Variants in PCDHGB2 observed in about 807,000 individuals in gnomAD.
The protein encoded by PCDHGB2 is protocadherin gamma-B2.
In PCDHGB2, 55 loss-of-function variants were observed where a neutral mutation model predicts 59.3. That is an observed-to-expected ratio of 0.93 (90% CI 0.75 to 1.16). PCDHGB2 has a LOEUF of 1.16. PCDHGB2 is among the 50% of genes most tolerant of loss of function. The pLI, the probability that PCDHGB2 is intolerant of heterozygous loss-of-function variation, is 0.00. For synonymous variants in PCDHGB2, 516 were observed against 512.0 expected (o/e 1.01, Z -0.11); for missense variants, 1,228 against 1,198.5 (o/e 1.02, Z -0.36).
chr5:141,462,883 A>T (rs557432183), intron 1 of PCDHGB2, among the ~76,000 whole-genome samples: 9 of 152,230 alleles, frequency 5.9e-5, no homozygotes, highest in African/African-American at 2.2e-4. Context: ...GAACTATTGC[A>T]GTTTGTTTTG....
Position 141,493,701 on chromosome 5 carries a change from C to G in PCDHGB2, c.2422-1106C>G, listed in dbSNP as rs2099749680. 6.6e-6 allele frequency among the ~76,000 whole-genome samples: 1 copy of G among 152,172 alleles called. No homozygotes were observed. Among genetic ancestry groups the G allele is most frequent in the Admixed American group, 6.5e-5 (1 of 15,286 alleles). On this transcript the variant is annotated intron_variant, in intron 1 of 3. Coordinates refer to ENST00000522605, the MANE Select transcript of PCDHGB2 (RefSeq NM_018923.3). This position sits in a 1 kb window ranked among gnomAD's most constrained non-coding sequence, Gnocchi z 4.3. Reference sequence around the variant, plus strand: ...ATGGTGCTGGTGACTCCCGATACACCTGGAATGCTAGGTTTCTGGGTTCTG... The same window carrying G: ...ATGGTGCTGGTGACTCCCGATACACGTGGAATGCTAGGTTTCTGGGTTCTG...
intron 1 of PCDHGB2, among the ~76,000 whole-genome samples, chr5:141,484,645 T>C (rs948669787): frequency 1.3e-5 from 2 of 151,970 alleles, no homozygotes; most frequent in Admixed American, 6.6e-5. Context: ...CACTCTCCAA[T>C]GGCTACTCTC....
At chr5:141,392,771 A>G in intron 1 of PCDHGB2, 1 of 1,514,130 alleles carries the variant, frequency 6.6e-7, no homozygotes, top group Non-Finnish European at 8.8e-7. Flanking sequence ...AGACCCATTT[A>G]TGCACAGTGA....
At chr5:141,401,016 A>G (rs910501602) in intron 1 of PCDHGB2, among the ~76,000 whole-genome samples, 2 of 152,182 alleles carry the variant, frequency 1.3e-5, no homozygotes, top group Admixed American at 6.5e-5. Context: ...TAATGGATTT[A>G]TGATTTTTTG....
At position 141,486,427 on chromosome 5, in the gene PCDHGB2, A is replaced by T. The variant is rs775958317; in HGVS notation, c.2422-8380A>T. ...CTGGACCCTTGGATCGAGAGGCCAAATCTAGCTATGACATCATGGTCACTG... is the reference window on the plus strand; with the variant it reads ...CTGGACCCTTGGATCGAGAGGCCAATTCTAGCTATGACATCATGGTCACTG... On this transcript the variant is annotated intron_variant, in intron 1 of 3. Transcript: ENST00000522605. The surrounding 1 kb of genome is among the most constrained non-coding windows in gnomAD (Gnocchi z 5.0). 17 of 1,614,042 alleles carry T rather than the reference A, an allele frequency of 1.1e-5. No homozygotes were observed. The Admixed American group carries it at 2.8e-4, about 27-fold the overall frequency.
chr5:141,430,413 A>G lies in PCDHGB2; in HGVS notation c.2422-64394A>G, dbSNP rs1437560579. ...AAAAAAAAAGCTCACTAAAGTTTCTATTAAAGCGAATACGGTAGATTTCCA... is the reference window on the plus strand; with the variant it reads ...AAAAAAAAAGCTCACTAAAGTTTCTGTTAAAGCGAATACGGTAGATTTCCA... On this transcript the variant is annotated intron_variant, in intron 1 of 3. Coordinates refer to ENST00000522605, the MANE Select transcript of PCDHGB2 (RefSeq NM_018923.3). Among the ~76,000 whole-genome samples the G allele has an allele frequency of 2.0e-5, 3 of 151,870 alleles. No homozygotes were observed. In the South Asian group the frequency reaches 6.2e-4, roughly 31 times the overall value.
chr5:141,393,414 G>C lies in PCDHGB2; in HGVS notation c.2421+30858G>C, dbSNP rs199973289. 738 of 1,614,038 alleles carry C rather than the reference G, an allele frequency of 4.6e-4. No individual in the cohort carries two copies. The highest frequency in any genetic ancestry group is 5.2e-4 in the Non-Finnish European group (617 of 1,179,898). Reference sequence around the variant, plus strand: ...AGAGCTGGTGCTGGAGCGCGCCCTGGACAGGGAGGAAGAGGCTGCTCACCA... The same window carrying C: ...AGAGCTGGTGCTGGAGCGCGCCCTGCACAGGGAGGAAGAGGCTGCTCACCA... On this transcript the variant is annotated intron_variant, in intron 1 of 3. Coordinates refer to ENST00000522605, the MANE Select transcript of PCDHGB2 (RefSeq NM_018923.3).
chr5:141,379,520 C>T (rs1262594059), intron 1 of PCDHGB2: 1 of 152,194 alleles, frequency 6.6e-6, no homozygotes, highest in East Asian at 1.9e-4. Context: ...ACATCTTGAG[C>T]ATTTGTTGTT....
At chr5:141,385,295 A>C (rs1422997974) in intron 1 of PCDHGB2, 1 of 1,613,146 alleles carries the variant, frequency 6.2e-7, no homozygotes, top group African/African-American at 1.3e-5. Context: ...GATTTTCAGG[A>C]ATGTAAAGAA....
chr5:141,403,766 G>A (rs1371539458), intron 1 of PCDHGB2: 2 of 1,613,864 alleles, frequency 1.2e-6, no homozygotes, highest in East Asian at 2.2e-5. Context: ...CCTGGATGAG[G>A]GAATCAACGG....
chr5:141,415,355 G>A (rs1200011688), intron 1 of PCDHGB2: 2 of 1,614,210 alleles, frequency 1.2e-6, no homozygotes, highest in Non-Finnish European at 1.7e-6. Context: ...CACAAGTCAC[G>A]CCTGCTGCAG....
rs778703789 is a variant in PCDHGB2 at position 141,362,397 on chromosome 5, G to T, written c.2262G>T (p.Leu754=). Residue 754 remains leucine, a synonymous_variant, in exon 1 of 4, where the codon CTG becomes CTT. Transcript: ENST00000522605. ...GTACATTGCCCTATTCCTACAACCT[G>T]TGTGTTGCCTCACAATCAGCCAAGA... ...SEGTLPYSYN[L]CVASQSAKTE... 6.2e-7 allele frequency: 1 copy of T among 1,613,898 alleles called. No homozygotes were observed. The highest frequency in any genetic ancestry group is 1.3e-5 in the African/African-American group (1 of 74,918).
chr5:141,491,441 A>G lies in PCDHGB2; in HGVS notation c.2422-3366A>G, dbSNP rs776616506. 1.2e-6 allele frequency: 2 copies of G among 1,614,146 alleles called. No homozygotes were observed. The highest frequency in any genetic ancestry group is 1.7e-6 in the Non-Finnish European group (2 of 1,180,032). ...GGTGGAGGGCAGTGCTGCAGGCGCCAGGACTCACCCTCCCCGGACTTCTAT... is the reference window on the plus strand; with the variant it reads ...GGTGGAGGGCAGTGCTGCAGGCGCCGGGACTCACCCTCCCCGGACTTCTAT... On this transcript the variant is annotated intron_variant, in intron 1 of 3. Coordinates refer to ENST00000522605, the MANE Select transcript of PCDHGB2 (RefSeq NM_018923.3). The surrounding 1 kb of genome is among the most constrained non-coding windows in gnomAD (Gnocchi z 6.9).
chr5:141,361,813 C>T lies in PCDHGB2; in HGVS notation c.1678C>T (p.Pro560Ser). The T allele has an allele frequency of 6.2e-7, 1 of 1,613,122 alleles. No individual in the cohort carries two copies. The highest frequency in any genetic ancestry group is 8.5e-7 in the Non-Finnish European group (1 of 1,179,734). ...VLVGDLNDNA[P>S]RVLYPALGPD... ...AGTGGGCGACCTCAATGACAATGCGCCACGGGTGCTGTACCCCGCGCTGGG... is the reference window on the plus strand; with the variant it reads ...AGTGGGCGACCTCAATGACAATGCGTCACGGGTGCTGTACCCCGCGCTGGG... The change falls in exon 1 of 4, where the codon CCA (proline) becomes TCA (serine). Residue 560 changes from proline to serine, a missense_variant. Physicochemically the swap from Pro to Ser is moderately conservative, Grantham distance 74. Around this residue, in one of 3 missense-constraint regions of PCDHGB2, gnomAD observed 781 missense variants for 721.6 expected, o/e 1.08. Transcript: ENST00000522605.
intron 1 of PCDHGB2, chr5:141,370,178 C>G (rs1214381916): frequency 2.2e-5 from 10 of 463,756 alleles, no homozygotes; most frequent in Non-Finnish European, 2.6e-5. Context: ...CGCCGGGTGC[C>G]GCTCTTGGCT....
At position 141,485,257 on chromosome 5, in the gene PCDHGB2, T is replaced by G. The variant is rs1251686604; in HGVS notation, c.2422-9550T>G. 1.9e-6 allele frequency: 3 copies of G among 1,614,036 alleles called. No homozygotes were observed. The highest frequency in any genetic ancestry group is 2.5e-6 in the Non-Finnish European group (3 of 1,180,006). ...TCTTTTACCACCTGGGTTACGTTTG[T>G]GGGCAGATCCGCTACCCGGTCCCAG... On this transcript the variant is annotated intron_variant, in intron 1 of 3. Coordinates refer to ENST00000522605, the MANE Select transcript of PCDHGB2 (RefSeq NM_018923.3). The surrounding 1 kb of genome is among the most constrained non-coding windows in gnomAD (Gnocchi z 5.7).
At chr5:141,400,052 T>C in intron 1 of PCDHGB2, 1 of 1,613,686 alleles carries the variant, frequency 6.2e-7, no homozygotes, top group Non-Finnish European at 8.5e-7. Context: ...CTGGTTGCTG[T>C]GCGTGATGGT....
chr5:141,365,359 T>C, intron 1 of PCDHGB2: 1 of 1,613,920 alleles, frequency 6.2e-7, no homozygotes, highest in South Asian at 1.1e-5. Context: ...TGAATGACAA[T>C]GCCCCCGAAG....
intron 3 of PCDHGB2, among the ~76,000 whole-genome samples, chr5:141,506,925 A>G (rs1287267937): frequency 1.3e-5 from 2 of 152,152 alleles, no homozygotes; most frequent in African/African-American, 4.8e-5. Context: ...ATACTAAACA[A>G]ACTTTAGGGG....
Sources: allele counts gnomAD v4.1 joint callset (sites outside exome capture counted in the v4.1 genomes callset), GRCh38; gene constraint gnomAD v4.1.1; regional missense constraint gnomAD v4.1.1; non-coding constraint Gnocchi (gnomAD v3.1); transcripts MANE v1.5; gene names NCBI Gene and HGNC (gene_info 2026-07-23, HGNC 2026-07-21).